RASGRF2: variants seen among roughly 807,000 people sequenced by gnomAD.
RASGRF2 encodes the protein Ras protein specific guanine nucleotide releasing factor 2, also known as ras-specific guanine nucleotide-releasing factor 2.
A neutral mutation model predicts 151.0 loss-of-function variants in RASGRF2; 76 were observed. That is an observed-to-expected ratio of 0.50 (90% CI 0.42 to 0.61). RASGRF2 has a LOEUF of 0.61. RASGRF2 is among the 20% of genes least tolerant of loss of function. The pLI, the probability that RASGRF2 is intolerant of heterozygous loss-of-function variation, is 0.00. For synonymous variants in RASGRF2, 504 were observed against 566.5 expected (o/e 0.89, Z 1.57); for missense variants, 1,148 against 1,564.6 (o/e 0.73, Z 4.49).
At chr5:81,031,063 A>G (rs1335112816) in intron 1 of RASGRF2, among the ~76,000 whole-genome samples, 2 of 152,256 alleles carry the variant, frequency 1.3e-5, no homozygotes, top group Non-Finnish European at 2.9e-5. Context: ...AGGCCATTAC[A>G]TAATGGTAAA....
At chr5:81,006,051 T>C (rs1749258786) in intron 1 of RASGRF2, among the ~76,000 whole-genome samples, 1 of 152,260 alleles carries the variant, frequency 6.6e-6, no homozygotes, top group Admixed American at 6.5e-5. Context: ...GCTTTCAAGA[T>C]ATGAAGGGAA....
chr5:81,137,356 T>A (rs758869096), intron 17 of RASGRF2, among the ~76,000 whole-genome samples: 1 of 152,182 alleles, frequency 6.6e-6, no homozygotes, highest in Non-Finnish European at 1.5e-5. Flanking sequence ...TTTTTTTCAT[T>A]TAAGATGGGT....
At chr5:81,077,913 G>C (rs965440340) in intron 5 of RASGRF2, among the ~76,000 whole-genome samples, 4 of 152,152 alleles carry the variant, frequency 2.6e-5, no homozygotes, top group African/African-American at 9.7e-5. Context: ...TCTGAATCAG[G>C]AAAGGCCAGG....
intron 18 of RASGRF2, among the ~76,000 whole-genome samples, chr5:81,198,815 G>C (rs1255233351): frequency 6.6e-6 from 1 of 152,188 alleles, no homozygotes; most frequent in Non-Finnish European, 1.5e-5. Flanking sequence ...ATGCACCGTT[G>C]ATGGGCACCT....
intron 1 of RASGRF2, among the ~76,000 whole-genome samples, chr5:81,032,712 A>C (rs1021332246): frequency 7.0e-4 from 105 of 150,286 alleles, no homozygotes; most frequent in African/African-American, 2.5e-3. Flanking sequence ...CAAAACCTGG[A>C]AGCATTCCCT....
chr5:80,994,117 G>A (rs1748743774), intron 1 of RASGRF2, among the ~76,000 whole-genome samples: 1 of 152,074 alleles, frequency 6.6e-6, no homozygotes, highest in East Asian at 1.9e-4. Context: ...TTAAGAAGGG[G>A]TAGTCTGGGA....
chr5:80,962,387 A>G lies in RASGRF2; in HGVS notation c.288+1361A>G, dbSNP rs113876530. 1.6e-3 allele frequency among the ~76,000 whole-genome samples: 245 copies of G among 151,816 alleles called. 1 individual carries two copies. Among genetic ancestry groups the G allele is most frequent in the African/African-American group, 5.7e-3 (236 of 41,234 alleles). On this transcript the variant is annotated intron_variant, in intron 1 of 26. Coordinates refer to ENST00000265080, the MANE Select transcript of RASGRF2 (RefSeq NM_006909.3). ...AAATTGGGAGAAGAGTTTTGAGGAA[A>G]CATTTTTTTTCAGGAATATATATAA...
chr5:81,211,174 G>A (rs1455608285), intron 22 of RASGRF2, among the ~76,000 whole-genome samples: 2 of 149,678 alleles, frequency 1.3e-5, no homozygotes, highest in Admixed American at 6.7e-5. Context: ...ACTCAGTGCA[G>A]GCGTGACCTC....
At position 81,216,108 on chromosome 5, in the gene RASGRF2, CCTT is replaced by C. The variant is rs756463389; in HGVS notation, c.3434+154_3434+156del. Among the ~76,000 whole-genome samples the C allele has an allele frequency of 2.0e-4, 31 of 152,060 alleles. No homozygotes were observed. The East Asian group carries it at 3.7e-3, about 18-fold the overall frequency. On this transcript the variant is annotated intron_variant, in intron 24 of 26. Transcript: ENST00000265080. ...ATCATCTAGGTATTTTTCTGATTGT[CCTT>C]ATTATTTGGAATACTGTGCATACAG...
chr5:81,013,109 T>G (rs912501163), intron 1 of RASGRF2, among the ~76,000 whole-genome samples: 2 of 152,218 alleles, frequency 1.3e-5, no homozygotes, highest in African/African-American at 4.8e-5. Context: ...TATTTTCCTC[T>G]GAAGAGTGTT....
intron 26 of RASGRF2, among the ~76,000 whole-genome samples, 160 bp from the exon 27 acceptor site, chr5:81,225,513 CTTTTT>C (rs11341888): frequency 7.1e-6 from 1 of 141,430 alleles, no homozygotes; most frequent in Non-Finnish European, 1.5e-5. Flanking sequence ...AGATGTTCAC[CTTTTT>C]TTTTTTTTTT....
chr5:81,180,284 A>G lies in RASGRF2; in HGVS notation c.2793+3A>G, dbSNP rs1057428408. 6 of 1,563,536 alleles carry G rather than the reference A, an allele frequency of 3.8e-6. No homozygotes were observed. In the African/African-American group the frequency reaches 6.8e-5, roughly 18 times the overall value. ...ACTGGGTCTCAAAGCACGCACAGGT[A>G]AGTCAGTGCCCTCATTAATTACTTG... On this transcript the variant is annotated splice_donor_region_variant and intron_variant, in intron 18 of 26. Transcript: ENST00000265080.
At chr5:81,027,867 A>G (rs547512579) in intron 1 of RASGRF2, among the ~76,000 whole-genome samples, 1 of 152,318 alleles carries the variant, frequency 6.6e-6, no homozygotes, top group East Asian at 1.9e-4. Context: ...TCACAGTCAC[A>G]CTCAGAGAAC....
chr5:81,138,970 G>A (rs1369312565), intron 17 of RASGRF2, among the ~76,000 whole-genome samples: 1 of 152,070 alleles, frequency 6.6e-6, no homozygotes, highest in Non-Finnish European at 1.5e-5. Flanking sequence ...TATTAATTTT[G>A]TAGGTCAAAT....
intron 17 of RASGRF2, among the ~76,000 whole-genome samples, chr5:81,158,994 G>A (rs184684789): frequency 1.4e-3 from 215 of 152,194 alleles, no homozygotes; most frequent in African/African-American, 5.1e-3. Flanking sequence ...ATACATGAAT[G>A]TTTATAGCTC....
rs550364534 is a variant in RASGRF2, at chr5:81,142,516, A to G, written c.2686+15353A>G. On this transcript the variant is annotated intron_variant, in intron 17 of 26. Transcript: ENST00000265080. ...AAGGTCAAAATGTTGGCTGCATGCAATGTTTCTTATATGGGGCCCTCACCA... is the reference window on the plus strand; with the variant it reads ...AAGGTCAAAATGTTGGCTGCATGCAGTGTTTCTTATATGGGGCCCTCACCA... 1.7e-3 allele frequency among the ~76,000 whole-genome samples: 252 copies of G among 152,258 alleles called. 2 individuals carry two copies. Among genetic ancestry groups the G allele is most frequent in the African/African-American group, 5.7e-3 (238 of 41,564 alleles).
At chr5:81,128,579 T>C (rs936650109) in intron 17 of RASGRF2, among the ~76,000 whole-genome samples, 2 of 152,094 alleles carry the variant, frequency 1.3e-5, no homozygotes, top group Non-Finnish European at 2.9e-5. Flanking sequence ...TCCATTTTAA[T>C]TGAGTACAAT....
intron 12 of RASGRF2, among the ~76,000 whole-genome samples, chr5:81,107,573 G>A (rs540564): frequency 0.31 from 47,794 of 151,952 alleles, 8,009 homozygotes; most frequent in Middle Eastern, 0.58. Flanking sequence ...GCTCACTTCT[G>A]GCAAGCGCTC....
chr5:81,150,016 T>C (rs1754098334), intron 17 of RASGRF2, among the ~76,000 whole-genome samples: 1 of 152,186 alleles, frequency 6.6e-6, no homozygotes, highest in African/African-American at 2.4e-5. Context: ...CTTCTGTTCT[T>C]ATTACTTTAA....
Sources: allele counts gnomAD v4.1 joint callset (sites outside exome capture counted in the v4.1 genomes callset), GRCh38; gene constraint gnomAD v4.1.1; transcripts MANE v1.5; gene names NCBI Gene and HGNC (gene_info 2026-07-23, HGNC 2026-07-21).